The following KIF7 variants were observed in gnomAD, a reference collection of about 807,000 sequenced individuals.
KIF7 encodes the protein kinesin family member 7, also known as kinesin-like protein KIF7.
A neutral mutation model predicts 135.7 loss-of-function variants in KIF7; 104 were observed. That is an observed-to-expected ratio of 0.77 (90% CI 0.65 to 0.90). The LOEUF is 0.90. Ranked by LOEUF, KIF7 falls within the 40% of genes least tolerant of loss-of-function variation. The pLI is 0.00. For missense variants in KIF7, 2,005 were observed against 1,839.1 expected (o/e 1.09, Z -1.65); for synonymous variants, 883 against 809.4 (o/e 1.09, Z -1.54).
intron 1 of KIF7, among the ~76,000 whole-genome samples, chr15:89,622,134 C>T (rs1963437318): frequency 6.6e-6 from 1 of 151,962 alleles, no homozygotes; most frequent in Non-Finnish European, 1.5e-5. Flanking sequence ...TACAGGCACC[C>T]ACCACAACGC....
intron 11 of KIF7, among the ~76,000 whole-genome samples, chr15:89,636,874 A>C (rs1436873883): frequency 1.3e-5 from 2 of 150,238 alleles, no homozygotes; most frequent in East Asian, 3.9e-4. Flanking sequence ...AACAGAATAT[A>C]TATTTTTTTC....
chr15:89,623,168 A>G (rs1963453678), downstream of KIF7, among the ~76,000 whole-genome samples: 2 of 152,210 alleles, frequency 1.3e-5, no homozygotes, highest in Admixed American at 6.5e-5. Context: ...TGTGTATTCC[A>G]TGCCCCCAAC....
chr15:89,619,858 C>A, intron 1 of KIF7: 1 of 1,597,272 alleles, frequency 6.3e-7, no homozygotes, highest in South Asian at 1.1e-5. Context: ...ATACGGGCCC[C>A]TCTGCCTTCA....
intron 1 of KIF7, among the ~76,000 whole-genome samples, chr15:89,654,812 C>T (rs963444555): frequency 2.5e-4 from 38 of 152,230 alleles, no homozygotes; most frequent in African/African-American, 7.5e-4. Context: ...ACCCTTCAAC[C>T]TCTCTCTCAG....
the KIF7 span, among the ~76,000 whole-genome samples, chr15:89,662,717 G>C: frequency 1.3e-5 from 2 of 152,134 alleles, no homozygotes; most frequent in African/African-American, 4.8e-5. Flanking sequence ...ACTGAGTATG[G>C]GTGGACCTTG....
upstream of KIF7, among the ~76,000 whole-genome samples, chr15:89,656,359 C>CTTTTTTTT (rs112951627): frequency 4.0e-3 from 565 of 142,674 alleles, 5 homozygotes; most frequent in African/African-American, 0.014. Flanking sequence ...CTTTTTAACT[C>CTTTTTTTT]TTTTTTTTTT....
At chr15:89,651,291 G>T (rs1310150275) in intron 2 of KIF7, among the ~76,000 whole-genome samples, 1 of 152,076 alleles carries the variant, frequency 6.6e-6, no homozygotes, top group African/African-American at 2.4e-5. Context: ...GTAGAGACAG[G>T]GTTTCACCAT....
chr15:89,625,696 G>T, downstream of KIF7: 1 of 1,613,674 alleles, frequency 6.2e-7, no homozygotes, highest in Non-Finnish European at 8.5e-7. Flanking sequence ...CCTGAGAGAA[G>T]ATTCAGAAGT....
At chr15:89,625,134 C>G (rs755457939), downstream of KIF7, 197 of 1,613,784 alleles carry the variant, frequency 1.2e-4, no homozygotes, top group Non-Finnish European at 1.4e-5. Context: ...TCAGCATGCC[C>G]AGGGCCAGCA....
chr15:89,625,882 G>A, downstream of KIF7: 2 of 1,543,480 alleles, frequency 1.3e-6, no homozygotes, highest in Non-Finnish European at 8.7e-7. Flanking sequence ...GGAGGCCTGG[G>A]CTTCCCGGTT....
the KIF7 span, among the ~76,000 whole-genome samples, chr15:89,660,655 C>T: frequency 6.6e-6 from 1 of 152,198 alleles, no homozygotes; most frequent in Admixed American, 6.5e-5. Flanking sequence ...TTACAGGAGA[C>T]AGAAATAAAC....
chr15:89,625,858 G>A (rs878967626), downstream of KIF7: 2 of 1,545,108 alleles, frequency 1.3e-6, no homozygotes. Flanking sequence ...GAGGCACTTG[G>A]GAGTTGCTTC....
At chr15:89,629,248 G>A (rs1963613832) in intron 17 of KIF7, 126 bp from the exon 18 acceptor site, 7 of 1,199,816 alleles carry the variant, frequency 5.8e-6, no homozygotes, top group Admixed American at 4.4e-5. Context: ...GGGCCACCAG[G>A]GCTGTAGGTG....
chr15:89,629,086 T>C lies in KIF7; in HGVS notation c.3554A>G (p.Gln1185Arg). The change falls in exon 18 of 19, where the codon CAG becomes CGG. Residue 1185 changes from glutamine (Q) to arginine (R), a missense_variant. Gln to Arg is a conservative substitution (Grantham distance 43). Transcript: ENST00000394412. ...CAGAGCTTGAATCCGGGCCTCATAC[T>C]GCCTCCTGCTGTCTGCTAACCCTTC... ...LGEGLADSRR[Q>R]YEARIQALEK... 3 of 1,612,900 alleles carry C rather than the reference T, an allele frequency of 1.9e-6. No individual in the cohort carries two copies. Among genetic ancestry groups the C allele is most frequent in the Non-Finnish European group, 8.5e-7 (1 of 1,179,850 alleles).
rs2142029500 is a variant in KIF7, at chr15:89,648,727, G to A, written c.971C>T (p.Ala324Val). 3 of 1,536,292 alleles carry A rather than the reference G, an allele frequency of 2.0e-6. No homozygotes were observed. Among genetic ancestry groups the A allele is most frequent in the African/African-American group, 2.7e-5 (2 of 73,134 alleles). Residue 324 changes from alanine to valine, a missense_variant, in exon 5 of 19, where the codon GCC (alanine) becomes GTC (valine). Physicochemically the swap from Ala to Val is moderately conservative, Grantham distance 64. Coordinates refer to ENST00000394412, the MANE Select transcript of KIF7 (RefSeq NM_198525.3). ...LGGNAKTVMI[A>V]CVSPSSSDFD... ...GTCGGAGGAGGAAGGGCTGACGCAG[G>A]CGATCATCACCGTCTTGGCGTTCCC...
chr15:89,618,202 A>C, intron 1 of KIF7: 3 of 1,614,164 alleles, frequency 1.9e-6, no homozygotes, highest in Non-Finnish European at 1.7e-6. Flanking sequence ...TCCCCTGAAA[A>C]AGGAGATGGT....
At chr15:89,627,169 C>T, downstream of KIF7, 1 of 1,547,016 alleles carries the variant, frequency 6.5e-7, no homozygotes, top group Non-Finnish European at 8.8e-7. Flanking sequence ...TGGTCCCAAG[C>T]CTCTTTTGCC....
chr15:89,627,132 C>A, downstream of KIF7: 1 of 1,607,738 alleles, frequency 6.2e-7, no homozygotes, highest in Non-Finnish European at 8.5e-7. Flanking sequence ...CAGCCAGGAC[C>A]CTGTGGACAT....
At chr15:89,640,886 C>T (rs536379895) in intron 11 of KIF7, among the ~76,000 whole-genome samples, 3 of 151,818 alleles carry the variant, frequency 2.0e-5, no homozygotes, top group Non-Finnish European at 2.9e-5. Flanking sequence ...GTAGTGGCAC[C>T]CCGCTACTCA....
Sources: allele counts gnomAD v4.1 joint callset (sites outside exome capture counted in the v4.1 genomes callset), GRCh38; gene constraint gnomAD v4.1.1; transcripts MANE v1.5; gene names NCBI Gene and HGNC (gene_info 2026-07-23, HGNC 2026-07-21).